Variants in DPYD observed in about 807,000 individuals in gnomAD.
The protein encoded by DPYD is dihydropyrimidine dehydrogenase [NADP(+)].
In DPYD, 109 loss-of-function variants were observed where a neutral mutation model predicts 116.2. The ratio of observed to expected loss-of-function variants is 0.94; its 90% CI spans 0.80 to 1.10. The LOEUF (loss-of-function observed/expected upper bound fraction) is 1.10. Ranked by LOEUF, DPYD falls within the 50% of genes least tolerant of loss-of-function variation. The probability of loss-of-function intolerance (pLI) is 0.00; values close to 1 mark genes in which losing one functional copy is unlikely to be tolerated. For missense variants in DPYD, 1,302 were observed against 1,254.5 expected (o/e 1.04, Z -0.57); for synonymous variants, 440 against 432.0 (o/e 1.02, Z -0.23).
chr1:97,730,826 C>T (rs889068686), intron 4 of DPYD, among the ~76,000 whole-genome samples: 3 of 150,712 alleles, frequency 2.0e-5, no homozygotes, highest in African/African-American at 4.9e-5. Context: ...TTTTCTACAT[C>T]GAAACACTAA....
intron 20 of DPYD, among the ~76,000 whole-genome samples, chr1:97,139,601 C>T (rs983290008): frequency 8.5e-5 from 13 of 152,128 alleles, no homozygotes; most frequent in African/African-American, 3.1e-4. Flanking sequence ...ACGTCATTAC[C>T]ACACTACCAG....
intron 5 of DPYD, chr1:97,700,173 G>C: frequency 2.2e-6 from 1 of 454,394 alleles, no homozygotes; most frequent in South Asian, 1.6e-5. Context: ...TCCCCTGAGG[G>C]ATTTGCGACT....
At chr1:97,755,417 C>A (rs1462923118) in intron 3 of DPYD, among the ~76,000 whole-genome samples, 1 of 152,152 alleles carries the variant, frequency 6.6e-6, no homozygotes, top group Non-Finnish European at 1.5e-5. Flanking sequence ...GTCTTAGGCT[C>A]CTGTTTTCCC....
At chr1:97,815,573 A>G (rs1286610977) in intron 3 of DPYD, among the ~76,000 whole-genome samples, 1 of 152,228 alleles carries the variant, frequency 6.6e-6, no homozygotes, top group Non-Finnish European at 1.5e-5. Flanking sequence ...TTGGCAACAC[A>G]GAGCACTCTC....
intron 8 of DPYD, among the ~76,000 whole-genome samples, chr1:97,656,596 G>A (rs1045733020): frequency 2.0e-5 from 3 of 152,024 alleles, no homozygotes; most frequent in Non-Finnish European, 4.4e-5. Context: ...CTTCCAAAAT[G>A]TTGTCATTTC....
intron 16 of DPYD, among the ~76,000 whole-genome samples, chr1:97,372,689 C>A (rs879735337): frequency 6.6e-6 from 1 of 151,910 alleles, no homozygotes; most frequent in Non-Finnish European, 1.5e-5. Context: ...GAAATGTTTG[C>A]CCTCCCAAAT....
chr1:97,690,427 C>A (rs922907425), intron 7 of DPYD, among the ~76,000 whole-genome samples: 1 of 151,626 alleles, frequency 6.6e-6, no homozygotes, highest in Non-Finnish European at 1.5e-5. Flanking sequence ...AGCCTAATTT[C>A]TTTTTTCATT....
intron 8 of DPYD, among the ~76,000 whole-genome samples, chr1:97,642,149 A>C (rs995716152): frequency 1.3e-5 from 2 of 152,298 alleles, no homozygotes; most frequent in Non-Finnish European, 1.5e-5. Flanking sequence ...AGGAAGAATC[A>C]ATATGGTGAA....
At chr1:97,406,540 T>C (rs1673666472) in intron 14 of DPYD, among the ~76,000 whole-genome samples, 1 of 151,760 alleles carries the variant, frequency 6.6e-6, no homozygotes, top group Admixed American at 6.6e-5. Flanking sequence ...CTCCTAATGC[T>C]ATCCCTCCCC....
chr1:97,358,689 C>T (rs1021736594), intron 16 of DPYD, among the ~76,000 whole-genome samples: 3 of 152,134 alleles, frequency 2.0e-5, no homozygotes, highest in Admixed American at 1.3e-4. Context: ...GGAGCTCCAG[C>T]AAACTTCAAC....
chr1:97,668,533 C>G (rs541583998), intron 8 of DPYD, among the ~76,000 whole-genome samples: 5 of 152,162 alleles, frequency 3.3e-5, no homozygotes, highest in African/African-American at 1.2e-4. Flanking sequence ...ATAATAACCT[C>G]TTTAATTTTT....
intron 18 of DPYD, among the ~76,000 whole-genome samples, chr1:97,287,136 C>T (rs1169132695): frequency 1.3e-5 from 2 of 152,120 alleles, no homozygotes; most frequent in African/African-American, 4.8e-5. Context: ...GTTAGTTTTC[C>T]TTCTAACAGA....
In DPYD at chr1:97,168,681, A is replaced by G. The variant is rs1399287; in HGVS notation, c.2622+24388T>C. Among the ~76,000 whole-genome samples, 1,121 of 152,210 alleles carry G rather than the reference A, an allele frequency of 7.4e-3. 18 individuals carry two copies. The highest frequency in any genetic ancestry group is 0.025 in the African/African-American group (1,050 of 41,518). Reference sequence around the variant, plus strand: ...TACTTTTCCTTATTTAGATTTTTTTAACCAATGAGTTTAGATATATTCTAG... The same window carrying G: ...TACTTTTCCTTATTTAGATTTTTTTGACCAATGAGTTTAGATATATTCTAG... On this transcript the variant is annotated intron_variant, in intron 20 of 22. Coordinates refer to ENST00000370192, the MANE Select transcript of DPYD (RefSeq NM_000110.4).
At chr1:97,193,427 AG>A (rs1256600116) in intron 19 of DPYD, among the ~76,000 whole-genome samples, 179 bp from the exon 20 acceptor site, 1 of 152,186 alleles carries the variant, frequency 6.6e-6, no homozygotes, top group African/African-American at 2.4e-5. Context: ...AAAGAACACA[AG>A]GAAATTTCCA....
chr1:97,197,613 C>G (rs1489502700), intron 19 of DPYD, among the ~76,000 whole-genome samples: 1 of 152,146 alleles, frequency 6.6e-6, no homozygotes, highest in African/African-American at 2.4e-5. Context: ...TCAAACATGG[C>G]ACAATTTGTA....
chr1:97,771,491 G>A (rs1211413623), intron 3 of DPYD, among the ~76,000 whole-genome samples: 1 of 151,998 alleles, frequency 6.6e-6, no homozygotes, highest in Non-Finnish European at 1.5e-5. Flanking sequence ...AAATGAAGGA[G>A]ATGAAATTAA....
At chr1:97,526,085 T>G (rs1288636169) in intron 12 of DPYD, among the ~76,000 whole-genome samples, 1 of 151,866 alleles carries the variant, frequency 6.6e-6, no homozygotes, top group Admixed American at 6.6e-5. Context: ...AGGTCTTGCC[T>G]AAAATAGAGC....
At chr1:97,858,579 T>C (rs1425489484) in intron 2 of DPYD, among the ~76,000 whole-genome samples, 2 of 152,172 alleles carry the variant, frequency 1.3e-5, no homozygotes, top group African/African-American at 4.8e-5. Flanking sequence ...AATCAGAATT[T>C]TGTCAGGGAA....
chr1:97,808,659 C>T (rs1668198362), intron 3 of DPYD, among the ~76,000 whole-genome samples: 2 of 151,936 alleles, frequency 1.3e-5, no homozygotes. Flanking sequence ...CAGTATGATG[C>T]CAAAAAGCAC....
Sources: gnomAD v4.1 joint callset for allele counts (sites outside exome capture counted in the v4.1 genomes callset) on GRCh38, gnomAD v4.1.1 for gene constraint, MANE v1.5 for transcripts, NCBI Gene and HGNC (gene_info 2026-07-23, HGNC 2026-07-21) for gene names.